The following NECTIN3 variants were observed in gnomAD, a reference collection of about 807,000 sequenced individuals.
The protein encoded by NECTIN3 is nectin-3.
In NECTIN3, 8 loss-of-function variants were observed where a neutral mutation model predicts 49.4. The ratio of observed to expected loss-of-function variants is 0.16; its 90% CI spans 0.10 to 0.29. NECTIN3 has a LOEUF of 0.29. Among genes scored for constraint, NECTIN3 ranks in the 10% least tolerant of loss-of-function variants. The probability of loss-of-function intolerance (pLI) is 1.00; values close to 1 mark genes in which losing one functional copy is unlikely to be tolerated. For missense variants in NECTIN3, 581 were observed against 654.6 expected (o/e 0.89, Z 1.23); for synonymous variants, 277 against 241.1 (o/e 1.15, Z -1.38).
chr3:111,112,458 G>T, intron 2 of NECTIN3, 87 bp downstream of exon 2: 2 of 871,974 alleles, frequency 2.3e-6, no homozygotes, highest in South Asian at 5.0e-5. Context: ...GTTGAAATTT[G>T]ATTTAACTTT....
In NECTIN3 at chr3:111,085,619, A is replaced by G. The variant is rs1012549860; in HGVS notation, c.160+13442A>G. Among the ~76,000 whole-genome samples the G allele has an allele frequency of 4.6e-5, 7 of 151,886 alleles. No homozygotes were observed. In the East Asian group the frequency reaches 9.7e-4, roughly 21 times the overall value. On this transcript the variant is annotated intron_variant, in intron 1 of 5. Transcript: ENST00000485303. ...ACCATTCTGACTTCTAGCACCACAC[A>G]TTAGTTTTTCCTGTTTTTGAACTTT...
At chr3:111,139,267 G>A (rs1006728507), downstream of NECTIN3, among the ~76,000 whole-genome samples, 1 of 151,612 alleles carries the variant, frequency 6.6e-6, no homozygotes, top group Admixed American at 6.6e-5. Flanking sequence ...TATGTATTTT[G>A]CAGTTTTAAT....
chr3:111,133,846 C>T lies in NECTIN3; in HGVS notation c.1281C>T (p.Cys427=), dbSNP rs759255246. 1 of 1,613,944 alleles carries T rather than the reference C, an allele frequency of 6.2e-7. No individual in the cohort carries two copies. Among genetic ancestry groups the T allele is most frequent in the African/African-American group, 1.3e-5 (1 of 75,022 alleles). ...TAAGTGTTTTGGCTGGAATATTCTG[C>T]TATAGGAGAAGACGGACGTTTCGTG... ...VLVSVLAGIF[C]YRRRRTFRGD... Residue 427 remains cysteine (C), a synonymous_variant, in exon 6 of 6, where the codon TGC becomes TGT. Coordinates refer to ENST00000485303, the MANE Select transcript of NECTIN3 (RefSeq NM_015480.3).
At chr3:111,113,544 A>T (rs776217406) in intron 2 of NECTIN3, among the ~76,000 whole-genome samples, 3 of 152,138 alleles carry the variant, frequency 2.0e-5, no homozygotes, top group African/African-American at 4.8e-5. Flanking sequence ...TTTTAATTAG[A>T]TATTTGAGGC....
intron 4 of NECTIN3, among the ~76,000 whole-genome samples, chr3:111,125,409 A>G (rs917093705): frequency 6.6e-6 from 1 of 152,058 alleles, no homozygotes; most frequent in African/African-American, 2.4e-5. Context: ...TTTTTTTGTT[A>G]CCCTCAGGTT....
chr3:111,086,741 G>T (rs1472806381), intron 1 of NECTIN3, among the ~76,000 whole-genome samples: 1 of 152,070 alleles, frequency 6.6e-6, no homozygotes, highest in Non-Finnish European at 1.5e-5. Flanking sequence ...TTTAGTGGCA[G>T]TTTATTAATT....
intron 1 of NECTIN3, among the ~76,000 whole-genome samples, chr3:111,085,731 T>C (rs2031886017): frequency 6.6e-6 from 1 of 152,138 alleles, no homozygotes; most frequent in Non-Finnish European, 1.5e-5. Flanking sequence ...GTACGGTATT[T>C]TGTTCCATGA....
chr3:111,151,588 C>T lies in NECTIN3; in HGVS notation c.1221+4104C>T, dbSNP rs141808779. On this transcript the variant is annotated intron_variant, in intron 7 of 8. Transcript: ENST00000493615. ...TGCCTTTCCCCACCTCTGTAAGTAG[C>T]CTTTTAGCATAAGAAAATAGAGATC... 5.3e-5 allele frequency among the ~76,000 whole-genome samples: 8 copies of T among 151,938 alleles called. No homozygotes were observed. In the East Asian group the frequency reaches 1.5e-3, roughly 29 times the overall value.
chr3:111,086,286 A>C (rs1175270804), intron 1 of NECTIN3, among the ~76,000 whole-genome samples: 1 of 152,184 alleles, frequency 6.6e-6, no homozygotes, highest in Admixed American at 6.5e-5. Context: ...GTTCCTGAAT[A>C]TCTGTCTGTG....
intron 1 of NECTIN3, among the ~76,000 whole-genome samples, chr3:111,095,709 G>A (rs62273798): frequency 1.1e-3 from 172 of 152,298 alleles, no homozygotes; most frequent in Non-Finnish European, 2.0e-3. Context: ...CCTTGTGATA[G>A]TAAGTCTCAT....
chr3:111,111,357 T>G (rs929929695), intron 1 of NECTIN3, among the ~76,000 whole-genome samples: 1 of 152,162 alleles, frequency 6.6e-6, no homozygotes, highest in Non-Finnish European at 1.5e-5. Context: ...AAAACAAAAT[T>G]ATTTTACATT....
chr3:111,142,126 CCTT>C (rs1259936614), downstream of NECTIN3, among the ~76,000 whole-genome samples: 2 of 151,880 alleles, frequency 1.3e-5, no homozygotes, highest in Non-Finnish European at 2.9e-5. Context: ...TCGAGCTCCT[CCTT>C]TGCTTTCATA....
chr3:111,112,422 A>G (rs1460239693), intron 2 of NECTIN3, 51 bp downstream of exon 2: 7 of 1,106,292 alleles, frequency 6.3e-6, no homozygotes, highest in Non-Finnish European at 8.7e-6. Context: ...AGATTATAAT[A>G]AAAATATTTT....
At chr3:111,144,958 CTTG>C (rs2034838126) in exon 6 of NECTIN3, 1 of 1,536,280 alleles carries the variant, frequency 6.5e-7, no homozygotes, top group Non-Finnish European at 8.7e-7. Flanking sequence ...TGGAGCTGTT[CTTG>C]CCCTTTTCAT....
At position 111,192,414 on chromosome 3, in the gene NECTIN3, G is replaced by GT; in HGVS notation, c.63+2dup. On this transcript the variant is annotated splice_donor_variant, in intron 1 of 1. Coordinates refer to the NECTIN3 transcript ENST00000485506. LOFTEE classifies it high-confidence loss of function. ...AGAAGTTGGCAATCTTCAGCACTCTGTAAGTAACTGTGTTGTCGGTATCAG... is the reference window on the plus strand; with the variant it reads ...AGAAGTTGGCAATCTTCAGCACTCTGTTAAGTAACTGTGTTGTCGGTATCAG... 6.5e-7 allele frequency: 1 copy of GT among 1,534,242 alleles called. No individual in the cohort carries two copies. The highest frequency in any genetic ancestry group is 2.4e-5 in the East Asian group (1 of 40,916).
chr3:111,173,543 A>G (rs1267683080), intron 7 of NECTIN3, among the ~76,000 whole-genome samples: 4 of 152,170 alleles, frequency 2.6e-5, no homozygotes, highest in Non-Finnish European at 5.9e-5. Flanking sequence ...CTTGAAGAAC[A>G]ATCACTTCTC....
At chr3:111,170,010 C>A (rs2035403193) in intron 7 of NECTIN3, among the ~76,000 whole-genome samples, 1 of 152,172 alleles carries the variant, frequency 6.6e-6, no homozygotes, top group Non-Finnish European at 1.5e-5. Context: ...TGAAAATGTT[C>A]TTGTGTGCCC....
chr3:111,142,186 G>A (rs1459149998), downstream of NECTIN3, among the ~76,000 whole-genome samples: 3 of 151,764 alleles, frequency 2.0e-5, no homozygotes, highest in Non-Finnish European at 2.9e-5. Context: ...AACACCTTAA[G>A]TACTTACCTT....
chr3:111,072,733 T>A (rs1321316426), intron 1 of NECTIN3: 9 of 710,368 alleles, frequency 1.3e-5, no homozygotes, highest in Non-Finnish European at 2.0e-5. Flanking sequence ...GGCTCTGCCC[T>A]GACAGCTTCT....
Sources: allele counts gnomAD v4.1 joint callset (sites outside exome capture counted in the v4.1 genomes callset), GRCh38; gene constraint gnomAD v4.1.1; transcripts MANE v1.5; gene names NCBI Gene and HGNC (gene_info 2026-07-23, HGNC 2026-07-21).